Variants in TMEM143 observed in about 807,000 individuals in gnomAD.
TMEM143 encodes the protein transmembrane protein 143.
A neutral mutation model predicts 40.3 loss-of-function variants in TMEM143; 45 were observed. The observed-to-expected ratio is 1.12, with a 90% CI of 0.88 to 1.43. The LOEUF is 1.43. TMEM143 is among the 40% of genes most tolerant of loss of function. The pLI is 0.00. For missense variants in TMEM143, 620 were observed against 613.4 expected (o/e 1.01, Z -0.11); for synonymous variants, 299 against 282.7 (o/e 1.06, Z -0.58).
chr19:48,343,351 C>G lies in TMEM143; in HGVS notation c.665G>C (p.Gly222Ala). Reference sequence around the variant, plus strand: ...CGCAGGGGGCAGCTTGGTGAAGAAGCCACGCCTGGAGCCCACGCTGGACTT... The same window carrying G: ...CGCAGGGGGCAGCTTGGTGAAGAAGGCACGCCTGGAGCCCACGCTGGACTT... ...PLKSSVGSRRGFFTKLPPAER... is the reference protein window; with the variant it reads ...PLKSSVGSRRAFFTKLPPAER... The change falls in exon 5 of 8, where the codon GGC (glycine) becomes GCC (alanine). Residue 222 changes from glycine to alanine, a missense_variant. Transcript: ENST00000293261. 1 of 1,610,632 alleles carries G rather than the reference C, an allele frequency of 6.2e-7. No individual in the cohort carries two copies. Among genetic ancestry groups the G allele is most frequent in the African/African-American group, 1.3e-5 (1 of 74,946 alleles).
At chr19:48,348,587 A>G (rs895407112) in intron 3 of TMEM143, among the ~76,000 whole-genome samples, 1 of 152,222 alleles carries the variant, frequency 6.6e-6, no homozygotes, top group African/African-American at 2.4e-5. Context: ...GCACATTTAC[A>G]TAGCACTTAC....
intron 3 of TMEM143, among the ~76,000 whole-genome samples, chr19:48,357,498 C>T (rs553625817): frequency 8.6e-4 from 130 of 151,940 alleles, no homozygotes; most frequent in African/African-American, 2.9e-3. Flanking sequence ...GGACTACAGG[C>T]GCCCGCCACC....
Position 48,345,177 on chromosome 19 carries a change from G to C in TMEM143, c.547C>G (p.Pro183Ala), listed in dbSNP as rs1333541255. The part of the protein sequence containing the change: ...TLAYALVVHH[P>A]QDEVQVTVNL... ...CCAAGTACCTGGACCTCATCCTGAG[G>C]GTGGTGGACCACCAGCGCGTAGGCC... is the stretch of plus-strand genomic sequence containing the variant. The change falls in exon 4 of 8, where the codon CCT becomes GCT. Residue 183 changes from proline to alanine, a missense_variant. Transcript: ENST00000293261. 1 of 1,613,408 alleles carries C rather than the reference G, an allele frequency of 6.2e-7. No individual in the cohort carries two copies. The highest frequency in any genetic ancestry group is 1.7e-5 in the Admixed American group (1 of 59,992).
intron 6 of TMEM143, among the ~76,000 whole-genome samples, chr19:48,334,915 T>G (rs929912006): frequency 2.6e-5 from 4 of 152,116 alleles, no homozygotes; most frequent in Admixed American, 6.6e-5. Context: ...CGTGCCCTCA[T>G]TCCAGTGGCT....
chr19:48,342,981 G>A, intron 5 of TMEM143, 172 bp from the exon 6 acceptor site: 1 of 807,608 alleles, frequency 1.2e-6, no homozygotes, highest in Non-Finnish European at 1.9e-6. Context: ...CAGGGGATCG[G>A]TTCAATCGCG....
At chr19:48,339,288 G>A (rs1221405741) in intron 6 of TMEM143, among the ~76,000 whole-genome samples, 1 of 152,204 alleles carries the variant, frequency 6.6e-6, no homozygotes, top group African/African-American at 2.4e-5. Context: ...GGGAGACGCT[G>A]TGCTTGGCCT....
Position 48,334,054 on chromosome 19 carries a change from G to GT in TMEM143, c.1118dup (p.His373GlnfsTer37). ...CCCCTGGCCGCCGGGCCAGGAAGCT[G>GT]TGAGCCAGCAGCGCCTCCTTGGTGT... On this transcript the variant is annotated frameshift_variant, in exon 7 of 8. Transcript: ENST00000293261. LOFTEE classifies it low-confidence loss of function (END_TRUNC). 2 of 1,578,002 alleles carry GT rather than the reference G, an allele frequency of 1.3e-6. No homozygotes were observed. Among genetic ancestry groups the GT allele is most frequent in the Non-Finnish European group, 8.6e-7 (1 of 1,164,244 alleles).
At chr19:48,354,517 G>A (rs752201226) in intron 3 of TMEM143, among the ~76,000 whole-genome samples, 2 of 151,986 alleles carry the variant, frequency 1.3e-5, no homozygotes, top group Admixed American at 6.6e-5. Flanking sequence ...CGCCCACCTC[G>A]GCCTCTCAAA....
rs1370529803 is a variant in TMEM143 at position 48,338,074 on chromosome 19, T to A, written c.976-3877A>T. On this transcript the variant is annotated intron_variant, in intron 6 of 7. Transcript: ENST00000293261. ...CAAGGAATACAGCACTCGCTCCTCCTACCCTGGGGTCTATGTCTTGGGCAG... is the reference window on the plus strand; with the variant it reads ...CAAGGAATACAGCACTCGCTCCTCCAACCCTGGGGTCTATGTCTTGGGCAG... Among the ~76,000 whole-genome samples the A allele has an allele frequency of 4.6e-5, 7 of 152,194 alleles. No homozygotes were observed. In the South Asian group the frequency reaches 1.0e-3, roughly 23 times the overall value.
At chr19:48,349,595 AGATCGC>A (rs1287661858) in intron 3 of TMEM143, among the ~76,000 whole-genome samples, 1 of 152,028 alleles carries the variant, frequency 6.6e-6, no homozygotes, top group African/African-American at 2.4e-5. Context: ...CAGTAAGCTG[AGATCGC>A]ACCAACTGCA....
At chr19:48,362,599 C>T (rs1970073184) in intron 2 of TMEM143, among the ~76,000 whole-genome samples, 1 of 152,014 alleles carries the variant, frequency 6.6e-6, no homozygotes, top group Non-Finnish European at 1.5e-5. Flanking sequence ...ATGATGGTGG[C>T]AATAAGACCT....
At chr19:48,363,229 GC>G in intron 2 of TMEM143, 61 bp downstream of exon 2, 1 of 1,545,992 alleles carries the variant, frequency 6.5e-7, no homozygotes, top group Non-Finnish European at 8.7e-7. Context: ...CTAGGGCCCT[GC>G]CGCCGCGAAG....
rs151044738 is a variant in TMEM143 at position 48,336,777 on chromosome 19, C to T, written c.976-2580G>A. Among the ~76,000 whole-genome samples the T allele has an allele frequency of 1.9e-3, 289 of 151,858 alleles. 4 individuals carry two copies. Among genetic ancestry groups the T allele is most frequent in the East Asian group, 0.016 (83 of 5,166 alleles). On this transcript the variant is annotated intron_variant, in intron 6 of 7. Transcript: ENST00000293261. ...TTGGGAGGCCGAGGCGGGTGGATCA[C>T]GAGGTCAGAAGATCAAGACCACGAG... is the stretch of plus-strand genomic sequence containing the variant.
In TMEM143 at chr19:48,342,573, A is replaced by G; in HGVS notation, c.932T>C (p.Leu311Pro). ...LTDLKVATSL[L>P]LLLFAIFMGL... The stretch of plus-strand genomic sequence containing the variant: ...CATGAAGATGGCGAAGAGCAGCAGC[A>G]GCAGGGAGGTGGCCACCTTGAGGTC... The change falls in exon 6 of 8, where the codon CTG (leucine) becomes CCG (proline). Residue 311 changes from leucine (L) to proline (P), a missense_variant. Coordinates refer to ENST00000293261, the MANE Select transcript of TMEM143 (RefSeq NM_018273.4). 2 of 1,612,950 alleles carry G rather than the reference A, an allele frequency of 1.2e-6. No homozygotes were observed. Among genetic ancestry groups the G allele is most frequent in the South Asian group, 1.1e-5 (1 of 91,044 alleles).
intron 4 of TMEM143, among the ~76,000 whole-genome samples, chr19:48,343,857 G>A (rs76984961): frequency 0.018 from 2,748 of 152,208 alleles, 78 homozygotes; most frequent in African/African-American, 0.063. Context: ...TGGAATTTGG[G>A]GAGATTTTAG....
intron 1 of TMEM143, 75 bp downstream of exon 1, chr19:48,363,822 GA>G: frequency 6.2e-7 from 1 of 1,602,402 alleles, no homozygotes; most frequent in East Asian, 2.2e-5. Flanking sequence ...AGGAGAGCAG[GA>G]AATGCTCGTA....
chr19:48,342,592 T>G lies in TMEM143; in HGVS notation c.913A>C (p.Lys305Gln). The G allele has an allele frequency of 1.2e-6, 2 of 1,613,454 alleles. No individual in the cohort carries two copies. Among genetic ancestry groups the G allele is most frequent in the Non-Finnish European group, 8.5e-7 (1 of 1,179,936 alleles). The change falls in exon 6 of 8, where the codon AAG (lysine) becomes CAG (glutamine). Residue 305 changes from lysine to glutamine, a missense_variant. Coordinates refer to ENST00000293261, the MANE Select transcript of TMEM143 (RefSeq NM_018273.4). ...AGCAGCAGCAGGGAGGTGGCCACCTTGAGGTCGGTTAGCACCACCATGCCC... is the reference window on the plus strand; with the variant it reads ...AGCAGCAGCAGGGAGGTGGCCACCTGGAGGTCGGTTAGCACCACCATGCCC... ...NVGMVVLTDL[K>Q]VATSLLLLLF...
intron 4 of TMEM143, among the ~76,000 whole-genome samples, chr19:48,344,838 C>G (rs1334250492): frequency 6.6e-6 from 1 of 152,196 alleles, no homozygotes; most frequent in Non-Finnish European, 1.5e-5. Context: ...TCCCCAGTAG[C>G]TGGGATTACA....
At position 48,360,194 on chromosome 19, in the gene TMEM143, A is replaced by G; in HGVS notation, c.265-18T>C. The G allele has an allele frequency of 6.2e-7, 1 of 1,612,312 alleles. No individual in the cohort carries two copies. The highest frequency in any genetic ancestry group is 8.5e-7 in the Non-Finnish European group (1 of 1,178,502). On this transcript the variant is annotated intron_variant, in intron 2 of 7. Coordinates refer to ENST00000293261, the MANE Select transcript of TMEM143 (RefSeq NM_018273.4). Reference sequence around the variant, plus strand: ...TGGAATTCCTGTTACCTCAGGAAGCAAAACTTCTCTGTAGGCCTTTTCCCC... The same window carrying G: ...TGGAATTCCTGTTACCTCAGGAAGCGAAACTTCTCTGTAGGCCTTTTCCCC...
Sources: allele counts gnomAD v4.1 joint callset (sites outside exome capture counted in the v4.1 genomes callset), GRCh38; gene constraint gnomAD v4.1.1; transcripts MANE v1.5; gene names NCBI Gene and HGNC (gene_info 2026-07-23, HGNC 2026-07-21).